RIMS1: variants seen among roughly 807,000 people sequenced by gnomAD.
The protein encoded by RIMS1 is regulating synaptic membrane exocytosis protein 1.
A neutral mutation model predicts 214.1 loss-of-function variants in RIMS1; 83 were observed. That is an observed-to-expected ratio of 0.39 (90% CI 0.32 to 0.47). RIMS1 has a LOEUF of 0.47. Among genes scored for constraint, RIMS1 ranks in the 20% least tolerant of loss-of-function variants. The pLI is 0.99. For synonymous variants in RIMS1, 793 were observed against 786.8 expected (o/e 1.01, Z -0.13); for missense variants, 2,050 against 2,161.8 (o/e 0.95, Z 1.03).
At chr6:72,185,444 G>A (rs185569409) in intron 6 of RIMS1, among the ~76,000 whole-genome samples, 204 of 152,274 alleles carry the variant, frequency 1.3e-3, no homozygotes, top group African/African-American at 4.7e-3. Context: ...AAGGTGTGGG[G>A]TGAAAGGGTT....
chr6:72,202,174 G>C (rs1389121777), intron 6 of RIMS1, among the ~76,000 whole-genome samples: 1 of 152,168 alleles, frequency 6.6e-6, no homozygotes, highest in Admixed American at 6.5e-5. Flanking sequence ...TGAGGCTGCT[G>C]TGTACCACAT....
intron 2 of RIMS1, among the ~76,000 whole-genome samples, chr6:72,003,804 A>G (rs1806256327): frequency 6.6e-6 from 1 of 151,480 alleles, no homozygotes; most frequent in Non-Finnish European, 1.5e-5. Context: ...CTTCAATTCA[A>G]TTTTAAGCAA....
intron 2 of RIMS1, among the ~76,000 whole-genome samples, chr6:71,992,576 T>C (rs1284398172): frequency 6.8e-6 from 1 of 147,228 alleles, no homozygotes; most frequent in African/African-American, 2.5e-5. Context: ...CTTCTTCTTC[T>C]TCCTCTTCTC....
chr6:72,052,385 TAGTG>T (rs1235266057), intron 2 of RIMS1, among the ~76,000 whole-genome samples: 1 of 152,228 alleles, frequency 6.6e-6, no homozygotes, highest in African/African-American at 2.4e-5. Context: ...AACAGAGTAA[TAGTG>T]AGAAATAGGG....
chr6:72,025,251 C>T (rs1816072706), intron 2 of RIMS1, among the ~76,000 whole-genome samples: 1 of 152,092 alleles, frequency 6.6e-6, no homozygotes, highest in Non-Finnish European at 1.5e-5. Flanking sequence ...TTGTTTTAGA[C>T]TTTTACAGAC....
intron 1 of RIMS1, among the ~76,000 whole-genome samples, chr6:71,956,995 A>G (rs767751770): frequency 7.2e-5 from 11 of 152,202 alleles, no homozygotes; most frequent in Admixed American, 2.6e-4. Flanking sequence ...GAAGCCATTC[A>G]TAGATAATTT....
intron 4 of RIMS1, among the ~76,000 whole-genome samples, chr6:72,171,294 T>C (rs2046985823): frequency 6.7e-6 from 1 of 150,332 alleles, no homozygotes; most frequent in African/African-American, 2.4e-5. Context: ...ATATAATACA[T>C]ATATTTATAC....
At chr6:72,298,841 A>G (rs2094350671) in intron 26 of RIMS1, among the ~76,000 whole-genome samples, 1 of 151,960 alleles carries the variant, frequency 6.6e-6, no homozygotes, top group Admixed American at 6.6e-5. Context: ...CAATTGCCAT[A>G]CAGATAACAA....
chr6:72,091,633 T>G (rs931952784), intron 2 of RIMS1, among the ~76,000 whole-genome samples: 5 of 152,178 alleles, frequency 3.3e-5, no homozygotes, highest in African/African-American at 1.2e-4. Flanking sequence ...CAAATTGAAT[T>G]TTAGAGTTTC....
intron 23 of RIMS1, among the ~76,000 whole-genome samples, chr6:72,283,668 A>G (rs572983613): frequency 1.4e-4 from 21 of 152,262 alleles, no homozygotes; most frequent in African/African-American, 4.6e-4. Context: ...GCCTTTCAGC[A>G]CCTAAACTAT....
rs765953432 is a variant in RIMS1 at position 72,400,658 on chromosome 6, C to A, written c.5023C>A (p.Arg1675=). 23 of 1,613,762 alleles carry A rather than the reference C, an allele frequency of 1.4e-5. No homozygotes were observed. The highest frequency in any genetic ancestry group is 1.7e-6 in the Non-Finnish European group (2 of 1,179,828). ...VDPTLTPLTR[R]ASQSSLESST... The stretch of plus-strand genomic sequence containing the variant: ...TCCCACACTCACTCCCCTCACCCGG[C>A]GGGCTTCCCAGTCATCTCTGGAAAG... The change falls in exon 34 of 34, where the codon CGG becomes AGG. Residue 1675 remains arginine (R), a synonymous_variant. Coordinates refer to ENST00000521978, the MANE Select transcript of RIMS1 (RefSeq NM_014989.7).
At chr6:71,997,647 T>G (rs1369624053) in intron 2 of RIMS1, among the ~76,000 whole-genome samples, 1 of 152,186 alleles carries the variant, frequency 6.6e-6, no homozygotes, top group Non-Finnish European at 1.5e-5. Context: ...TAGATGCGTG[T>G]TCTATATAGA....
chr6:71,930,867 A>G (rs995350469), intron 1 of RIMS1, among the ~76,000 whole-genome samples: 3 of 152,052 alleles, frequency 2.0e-5, no homozygotes, highest in Admixed American at 6.6e-5. Context: ...AATGGATTAA[A>G]AGCAGAACCA....
intron 1 of RIMS1, among the ~76,000 whole-genome samples, chr6:71,900,790 T>A (rs972727798): frequency 5.3e-5 from 8 of 152,076 alleles, no homozygotes; most frequent in Non-Finnish European, 2.9e-5. Context: ...AGGTTAAAGG[T>A]CAGGAACTCA....
rs1222506805 is a variant in RIMS1 at position 72,399,104 on chromosome 6, AGTTT to A, written c.4860+16_4860+19del. 6.4e-7 allele frequency: 1 copy of A among 1,573,408 alleles called. No homozygotes were observed. Among genetic ancestry groups the A allele is most frequent in the African/African-American group, 1.4e-5 (1 of 73,854 alleles). On this transcript the variant is annotated intron_variant, in intron 33 of 33. Transcript: ENST00000521978. ...GGGTAAAGTTCTTCAGGTCAGTAATAGTTTGTTTGGCTTTTTACATTGAAATGTC... is the reference window on the plus strand; with the variant it reads ...GGGTAAAGTTCTTCAGGTCAGTAATAGTTTGGCTTTTTACATTGAAATGTC...
At chr6:71,939,803 A>C (rs918209156) in intron 1 of RIMS1, among the ~76,000 whole-genome samples, 1 of 152,224 alleles carries the variant, frequency 6.6e-6, no homozygotes, top group Non-Finnish European at 1.5e-5. Context: ...TTAAGTTACC[A>C]TATGAGTTTT....
intron 4 of RIMS1, among the ~76,000 whole-genome samples, chr6:72,129,007 G>A (rs1587720935): frequency 6.6e-6 from 1 of 152,158 alleles, no homozygotes; most frequent in African/African-American, 2.4e-5. Flanking sequence ...CATAATTATT[G>A]TTCCCATTTC....
At position 72,263,268 on chromosome 6, in the gene RIMS1, C is replaced by A. The variant is rs1018880809; in HGVS notation, c.3117-1707C>A. ...CTCCCAAATTGTTTAATTTCCCAAC[C>A]TTTTTTTAGTAAAACGTGTCTCGAG... is the stretch of plus-strand genomic sequence containing the variant. On this transcript the variant is annotated intron_variant, in intron 19 of 33. Coordinates refer to ENST00000521978, the MANE Select transcript of RIMS1 (RefSeq NM_014989.7). The A allele has an allele frequency of 3.0e-6, 3 of 984,918 alleles. No individual in the cohort carries two copies. The African/African-American group carries it at 5.2e-5, about 17-fold the overall frequency. The allele number at this position is 984,918 out of a possible 1,614,324, so 61.0% of individuals were successfully genotyped here.
At position 72,366,682 on chromosome 6, in the gene RIMS1, C is replaced by T. The variant is rs139649689; in HGVS notation, c.4367-23916C>T. On this transcript the variant is annotated intron_variant, in intron 29 of 33. Coordinates refer to ENST00000521978, the MANE Select transcript of RIMS1 (RefSeq NM_014989.7). ...TATATGCATGAGAAGGAGAGAGTGT[C>T]GGAGGGTGAGGGAGGAGGAGAGAGA... 146 of 984,222 alleles carry T rather than the reference C, an allele frequency of 1.5e-4. 2 individuals carry two copies. In the East Asian group the frequency reaches 0.01, roughly 68 times the overall value. The allele number at this position is 984,222 out of a possible 1,614,324, so 61.0% of individuals were successfully genotyped here.
Sources: allele counts gnomAD v4.1 joint callset (sites outside exome capture counted in the v4.1 genomes callset), GRCh38; gene constraint gnomAD v4.1.1; transcripts MANE v1.5; gene names NCBI Gene and HGNC (gene_info 2026-07-23, HGNC 2026-07-21).